Variants in FBXL2 observed in about 807,000 individuals in gnomAD.
FBXL2 encodes F-box/LRR-repeat protein 2.
In FBXL2, 38 loss-of-function variants were observed where a neutral mutation model predicts 69.2. The observed-to-expected ratio is 0.55, with a 90% CI of 0.42 to 0.72. The LOEUF (loss-of-function observed/expected upper bound fraction) is 0.72, where lower values mean the gene tolerates loss of function less well. Among genes scored for constraint, FBXL2 ranks in the 30% least tolerant of loss-of-function variants. The pLI is 0.00. For synonymous variants in FBXL2, 192 were observed against 201.3 expected (o/e 0.95, Z 0.39); for missense variants, 354 against 520.3 (o/e 0.68, Z 3.11).
intron 2 of FBXL2, among the ~76,000 whole-genome samples, chr3:33,310,028 C>T (rs1322193254): frequency 6.6e-6 from 1 of 152,124 alleles, no homozygotes; most frequent in Non-Finnish European, 1.5e-5. Context: ...CATACAAAAA[C>T]TCTACATTGT....
At chr3:33,358,775 G>A (rs916747478) in intron 2 of FBXL2, among the ~76,000 whole-genome samples, 192 bp from the exon 3 acceptor site, 17 of 152,188 alleles carry the variant, frequency 1.1e-4, no homozygotes, top group African/African-American at 3.6e-4. Context: ...GTCCAAAATA[G>A]CTTCTGAACA....
chr3:33,330,631 T>C (rs1025540997), intron 2 of FBXL2, among the ~76,000 whole-genome samples: 2 of 152,138 alleles, frequency 1.3e-5, no homozygotes, highest in African/African-American at 4.8e-5. Context: ...CTCACACCTG[T>C]AATCCCAGCA....
At chr3:33,405,938 T>C (rs2044407646), downstream of FBXL2, among the ~76,000 whole-genome samples, 1 of 152,120 alleles carries the variant, frequency 6.6e-6, no homozygotes, top group Admixed American at 6.5e-5. Flanking sequence ...TAATCTCAAC[T>C]ACCCAATTAT....
downstream of FBXL2, among the ~76,000 whole-genome samples, chr3:33,406,711 C>G (rs917278123): frequency 3.3e-5 from 5 of 152,330 alleles, no homozygotes; most frequent in Admixed American, 3.3e-4. Context: ...GAATTCATAA[C>G]GGCGCTAGCA....
downstream of FBXL2, chr3:33,392,643 C>G: frequency 6.4e-7 from 1 of 1,571,944 alleles, no homozygotes; most frequent in Non-Finnish European, 8.7e-7. Flanking sequence ...TGCGTAAGTA[C>G]AATTAAGATC....
intron 1 of FBXL2, among the ~76,000 whole-genome samples, chr3:33,287,772 A>G (rs1324487225): frequency 6.6e-6 from 1 of 152,242 alleles, no homozygotes; most frequent in Non-Finnish European, 1.5e-5. Context: ...GCTCTTAACC[A>G]TTACATTATG....
At position 33,330,577 on chromosome 3, in the gene FBXL2, G is replaced by A. The variant is rs538293486; in HGVS notation, c.66-28390G>A. The stretch of plus-strand genomic sequence containing the variant: ...AAGTACCCTGACTTGATCTTTACAC[G>A]TTATATGAATGTATTAAAATACGAC... On this transcript the variant is annotated intron_variant, in intron 2 of 14. Transcript: ENST00000484457. Among the ~76,000 whole-genome samples the A allele has an allele frequency of 7.9e-5, 12 of 152,144 alleles. No individual in the cohort carries two copies. The East Asian group carries it at 2.1e-3, about 27-fold the overall frequency.
At chr3:33,342,792 C>G (rs1290134420) in intron 2 of FBXL2, among the ~76,000 whole-genome samples, 1 of 117,864 alleles carries the variant, frequency 8.5e-6, no homozygotes, top group Non-Finnish European at 1.6e-5. Context: ...GTGGCGCGAT[C>G]TCGGCTCACT....
At chr3:33,283,477 G>A (rs1268052260) in intron 1 of FBXL2, among the ~76,000 whole-genome samples, 4 of 152,044 alleles carry the variant, frequency 2.6e-5, no homozygotes, top group African/African-American at 7.2e-5. Flanking sequence ...TTTTTGCATC[G>A]ATGTTCATCA....
At chr3:33,391,859 A>C (rs1392467041), downstream of FBXL2, 1 of 152,376 alleles carries the variant, frequency 6.6e-6, no homozygotes, top group Non-Finnish European at 1.5e-5. Context: ...AATGCATTTC[A>C]AGTAAATCCG....
chr3:33,325,711 CTT>C (rs1055054824), intron 2 of FBXL2, among the ~76,000 whole-genome samples: 1 of 152,000 alleles, frequency 6.6e-6, no homozygotes, highest in African/African-American at 2.4e-5. Flanking sequence ...ATATACTCTT[CTT>C]GTTAAAATGT....
chr3:33,279,749 A>G (rs1309186887), intron 1 of FBXL2, among the ~76,000 whole-genome samples: 2 of 152,196 alleles, frequency 1.3e-5, no homozygotes, highest in Non-Finnish European at 1.5e-5. Flanking sequence ...TATTGTGTAC[A>G]TATGTACATA....
intron 12 of FBXL2, chr3:33,400,282 G>T: frequency 6.3e-7 from 1 of 1,591,722 alleles, no homozygotes; most frequent in Non-Finnish European, 8.5e-7. Flanking sequence ...GGCTGAATTT[G>T]CTATTAACAA....
intron 2 of FBXL2, among the ~76,000 whole-genome samples, chr3:33,305,314 T>C (rs1228068755): frequency 6.6e-6 from 1 of 151,970 alleles, no homozygotes; most frequent in East Asian, 1.9e-4. Context: ...TAAGAATACA[T>C]TTTTGTTTTC....
chr3:33,308,463 A>T (rs2036910391), intron 2 of FBXL2, among the ~76,000 whole-genome samples: 1 of 152,180 alleles, frequency 6.6e-6, no homozygotes, highest in Admixed American at 6.6e-5. Flanking sequence ...GTATCACTTA[A>T]TGTCATCAAT....
At position 33,383,697 on chromosome 3, in the gene FBXL2, G is replaced by T. The variant is rs887711143; in HGVS notation, c.952-292G>T. The T allele has an allele frequency of 2.4e-5, 9 of 369,322 alleles. No homozygotes were observed. In the East Asian group the frequency reaches 4.3e-4, roughly 18 times the overall value. The allele number at this position is 369,322 out of a possible 1,614,324, so 22.9% of individuals were successfully genotyped here. ...AATTAGAAGAGAGAAGCCACTCCCA[G>T]TGTAGCAAACCCATAACCAAAGGGC... is the stretch of plus-strand genomic sequence containing the variant. On this transcript the variant is annotated intron_variant, in intron 13 of 14. Transcript: ENST00000484457.
downstream of FBXL2, among the ~76,000 whole-genome samples, chr3:33,404,777 A>T (rs569991913): frequency 6.6e-6 from 1 of 152,354 alleles, no homozygotes; most frequent in East Asian, 1.9e-4. Flanking sequence ...ATATTGAAAT[A>T]ATCTAGTAGA....
intron 10 of FBXL2, among the ~76,000 whole-genome samples, chr3:33,376,978 T>G (rs1054636803): frequency 2.0e-5 from 3 of 152,088 alleles, no homozygotes; most frequent in Non-Finnish European, 4.4e-5. Context: ...CCAGCCTGGG[T>G]GACAGTATGA....
chr3:33,324,511 T>C (rs997214908), intron 2 of FBXL2, among the ~76,000 whole-genome samples: 10 of 152,230 alleles, frequency 6.6e-5, no homozygotes, highest in African/African-American at 9.6e-5. Flanking sequence ...AGTTTCAGTT[T>C]TCTGCATATG....
Sources: allele counts gnomAD v4.1 joint callset (sites outside exome capture counted in the v4.1 genomes callset), GRCh38; gene constraint gnomAD v4.1.1; transcripts MANE v1.5; gene names NCBI Gene and HGNC (gene_info 2026-07-23, HGNC 2026-07-21).